The following SH3GL2 variants were observed in gnomAD, a reference collection of about 807,000 sequenced individuals.
The protein encoded by SH3GL2 is SH3 domain containing GRB2 like 2, endophilin A1.
Under a neutral mutation model 46.0 loss-of-function variants are expected in SH3GL2, and 24 were observed. That is an observed-to-expected ratio of 0.52 (90% CI 0.38 to 0.73). The LOEUF (loss-of-function observed/expected upper bound fraction) is 0.73, where lower values mean the gene tolerates loss of function less well. SH3GL2 is among the 30% of genes least tolerant of loss of function. SH3GL2 has a pLI of 0.00. For missense variants in SH3GL2, 413 were observed against 424.2 expected, an observed-to-expected ratio of 0.97 and a Z score of 0.23; for synonymous variants, 196 against 147.1, an observed-to-expected ratio of 1.33 and a Z score of -2.40.
intron 1 of SH3GL2, among the ~76,000 whole-genome samples, chr9:17,715,731 A>C (rs1821737656): frequency 6.6e-6 from 1 of 150,546 alleles, no homozygotes. Flanking sequence ...ATGTCCAGAT[A>C]AACCTATCAT....
intron 3 of SH3GL2, among the ~76,000 whole-genome samples, chr9:17,785,863 A>G (rs1015007006): frequency 6.6e-6 from 1 of 152,174 alleles, no homozygotes; most frequent in Non-Finnish European, 1.5e-5. Flanking sequence ...TTGAGAAATG[A>G]TTTTGAAAAT....
At chr9:17,769,650 C>T (rs562952585) in intron 3 of SH3GL2, among the ~76,000 whole-genome samples, 8 of 152,158 alleles carry the variant, frequency 5.3e-5, no homozygotes, top group Middle Eastern at 6.8e-3. Flanking sequence ...TTTCCTGCCC[C>T]GACCCCTATT....
chr9:17,684,954 T>C lies in SH3GL2; in HGVS notation c.46-62112T>C, dbSNP rs1341105120. ...TGGTCTCAACCACATTGATCTGAAC[T>C]GACAACTGCGATAAATAAGCAGTGT... On this transcript the variant is annotated intron_variant, in intron 1 of 8. Transcript: ENST00000380607. Among the ~76,000 whole-genome samples, 5 of 152,318 alleles carry C rather than the reference T, an allele frequency of 3.3e-5. No individual in the cohort carries two copies. The East Asian group carries it at 9.6e-4, about 29-fold the overall frequency.
intron 3 of SH3GL2, among the ~76,000 whole-genome samples, chr9:17,780,469 GTTTT>G: frequency 6.8e-6 from 1 of 146,938 alleles, no homozygotes. Context: ...GAATAGCACA[GTTTT>G]TTTTTTTAAT....
intron 3 of SH3GL2, among the ~76,000 whole-genome samples, chr9:17,784,998 C>G (rs957239266): frequency 6.6e-6 from 1 of 152,210 alleles, no homozygotes; most frequent in African/African-American, 2.4e-5. Flanking sequence ...TAGGCATAAG[C>G]CACCACACTT....
chr9:17,713,385 CTAT>C (rs950233389), intron 1 of SH3GL2, among the ~76,000 whole-genome samples: 1 of 151,206 alleles, frequency 6.6e-6, no homozygotes, highest in African/African-American at 2.4e-5. Context: ...TACTGTTTTT[CTAT>C]TTTTTATTTC....
chr9:17,793,278 C>A, intron 7 of SH3GL2, 89 bp from the exon 8 acceptor site: 1 of 1,191,262 alleles, frequency 8.4e-7, no homozygotes, highest in Non-Finnish European at 1.2e-6. Flanking sequence ...GGTGGGTGAC[C>A]CAAGCATTTC....
At chr9:17,677,505 A>G (rs1252978173) in intron 1 of SH3GL2, among the ~76,000 whole-genome samples, 1 of 152,072 alleles carries the variant, frequency 6.6e-6, no homozygotes, top group East Asian at 1.9e-4. Context: ...ATGAATGATT[A>G]TTTTATACAA....
chr9:17,672,984 C>T (rs1820511344), intron 1 of SH3GL2, among the ~76,000 whole-genome samples: 1 of 152,158 alleles, frequency 6.6e-6, no homozygotes, highest in Non-Finnish European at 1.5e-5. Flanking sequence ...TCTGCTCTGT[C>T]ATGTCTTGGG....
intron 1 of SH3GL2, among the ~76,000 whole-genome samples, chr9:17,681,675 G>T (rs117100984): frequency 0.069 from 10,425 of 152,120 alleles, 565 homozygotes; most frequent in Admixed American, 0.18. Flanking sequence ...GCCAAAAGCA[G>T]TTGCAACAAA....
At chr9:17,748,673 A>AG (rs1822759710) in intron 2 of SH3GL2, among the ~76,000 whole-genome samples, 1 of 152,036 alleles carries the variant, frequency 6.6e-6, no homozygotes, top group Admixed American at 6.5e-5. Flanking sequence ...ATGAACCAGG[A>AG]GGTAGGATAT....
chr9:17,750,821 T>C (rs745320108), intron 2 of SH3GL2, among the ~76,000 whole-genome samples: 44 of 152,224 alleles, frequency 2.9e-4, no homozygotes, highest in Non-Finnish European at 5.1e-4. Flanking sequence ...ACTTGGAAAG[T>C]GCCTCCATGT....
intron 1 of SH3GL2, among the ~76,000 whole-genome samples, chr9:17,594,271 G>T (rs1818533114): frequency 6.6e-6 from 1 of 152,086 alleles, no homozygotes; most frequent in Non-Finnish European, 1.5e-5. Flanking sequence ...TTGCAATTAT[G>T]CCATACGTTT....
Position 17,755,767 on chromosome 9 carries a change from C to T in SH3GL2, c.115-5670C>T, listed in dbSNP as rs182402870. 77 of 984,814 alleles carry T rather than the reference C, an allele frequency of 7.8e-5. No homozygotes were observed. The Admixed American group carries it at 1.4e-3, about 17-fold the overall frequency. 61.0% of individuals were successfully genotyped at this position (984,814 alleles called of 1,614,324 possible). The stretch of plus-strand genomic sequence containing the variant: ...AGTCCTTTTGTTGCTCCACAAACAA[C>T]GCCACGCTGTTCACGAGTCCTTACA... On this transcript the variant is annotated intron_variant, in intron 2 of 8. Transcript: ENST00000380607.
intron 1 of SH3GL2, among the ~76,000 whole-genome samples, chr9:17,690,733 G>GCCGGGT (rs1009787890): frequency 3.9e-5 from 6 of 152,096 alleles, no homozygotes; most frequent in African/African-American, 1.2e-4. Flanking sequence ...CATGAAAAGT[G>GCCGGGT]CCGGGTACTA....
Position 17,756,788 on chromosome 9 carries a change from G to A in SH3GL2, c.115-4649G>A, listed in dbSNP as rs571618364. On this transcript the variant is annotated intron_variant, in intron 2 of 8. Transcript: ENST00000380607. ...GTGAATAGTGCCGCAATAAACATAC[G>A]TGTGCATGTGTCTTTATAGCAGCAT... 3.6e-3 allele frequency among the ~76,000 whole-genome samples: 543 copies of A among 152,042 alleles called. 2 individuals carry two copies. Among genetic ancestry groups the A allele is most frequent in the African/African-American group, 0.012 (516 of 41,424 alleles).
intron 1 of SH3GL2, among the ~76,000 whole-genome samples, chr9:17,678,086 CAT>C (rs533196047): frequency 6.6e-4 from 100 of 152,240 alleles, no homozygotes; most frequent in Admixed American, 1.9e-3. Context: ...CCGCAGTAAA[CAT>C]ATGTGTATGT....
At chr9:17,737,672 T>A (rs1317206040) in intron 1 of SH3GL2, among the ~76,000 whole-genome samples, 1 of 152,158 alleles carries the variant, frequency 6.6e-6, no homozygotes, top group African/African-American at 2.4e-5. Context: ...ATTATCCCTT[T>A]ACTTTCTGTT....
chr9:17,648,691 T>G (rs1819885372), intron 1 of SH3GL2, among the ~76,000 whole-genome samples: 1 of 152,220 alleles, frequency 6.6e-6, no homozygotes. Flanking sequence ...GGCTTCTTTC[T>G]AATAGCTGCT....
Sources: allele counts gnomAD v4.1 joint callset (sites outside exome capture counted in the v4.1 genomes callset), GRCh38; gene constraint gnomAD v4.1.1; transcripts MANE v1.5; gene names NCBI Gene and HGNC (gene_info 2026-07-23, HGNC 2026-07-21).